Variants in DSCAML1 observed in about 807,000 individuals in gnomAD.
DSCAML1 encodes the protein cell adhesion molecule DSCAML1.
In DSCAML1, 38 loss-of-function variants were observed where a neutral mutation model predicts 200.5. That is an observed-to-expected ratio of 0.19 (90% CI 0.15 to 0.25). DSCAML1 has a LOEUF of 0.25. Among genes scored for constraint, DSCAML1 ranks in the 10% least tolerant of loss-of-function variants. The probability of loss-of-function intolerance (pLI) is 1.00; values close to 1 mark genes in which losing one functional copy is unlikely to be tolerated. For synonymous variants in DSCAML1, 1,215 were observed against 1,165.0 expected, an observed-to-expected ratio of 1.04 and a Z score of -0.87; for missense variants, 2,223 against 2,858.8, an observed-to-expected ratio of 0.78 and a Z score of 5.07.
intron 12 of DSCAML1, among the ~76,000 whole-genome samples, 192 bp from the exon 13 acceptor site, chr11:117,481,462 G>C (rs1186225568): frequency 1.3e-5 from 2 of 151,024 alleles, no homozygotes; most frequent in Non-Finnish European, 3.0e-5. Flanking sequence ...CTTCATACAG[G>C]GAGGGGCTGG....
chr11:117,679,544 T>C (rs1468447176), intron 3 of DSCAML1, among the ~76,000 whole-genome samples: 7 of 152,234 alleles, frequency 4.6e-5, no homozygotes, highest in African/African-American at 1.7e-4. Context: ...TACCCCAGCA[T>C]AGCCTGCTCA....
intron 3 of DSCAML1, among the ~76,000 whole-genome samples, chr11:117,709,410 C>A (rs544352604): frequency 2.6e-5 from 4 of 152,074 alleles, no homozygotes; most frequent in Non-Finnish European, 4.4e-5. Context: ...TATCTCTTCC[C>A]GTAAGAACAC....
chr11:117,550,516 AC>A (rs1268594382), intron 3 of DSCAML1, among the ~76,000 whole-genome samples: 50 of 152,338 alleles, frequency 3.3e-4, no homozygotes, highest in African/African-American at 1.2e-3. Flanking sequence ...TCAGGGTGTT[AC>A]AAACATTATC....
chr11:117,706,407 G>A (rs868602105), intron 3 of DSCAML1, among the ~76,000 whole-genome samples: 4 of 152,118 alleles, frequency 2.6e-5, no homozygotes, highest in Admixed American at 6.5e-5. Context: ...CCCATGACTC[G>A]GTGCCGGTCT....
chr11:117,814,215 AT>A (rs777249383), intron 1 of DSCAML1, among the ~76,000 whole-genome samples: 2 of 151,536 alleles, frequency 1.3e-5, no homozygotes, highest in Non-Finnish European at 2.9e-5. Context: ...CCCCACCCCT[AT>A]CTCCCTTCGC....
At chr11:117,816,262 C>A (rs1213758073) in intron 1 of DSCAML1, among the ~76,000 whole-genome samples, 1 of 152,218 alleles carries the variant, frequency 6.6e-6, no homozygotes, top group Non-Finnish European at 1.5e-5. Flanking sequence ...CCAGTGCAGC[C>A]CTGGGCTCAG....
intron 3 of DSCAML1, among the ~76,000 whole-genome samples, chr11:117,561,916 T>C (rs2050670374): frequency 2.0e-5 from 3 of 152,180 alleles, no homozygotes; most frequent in South Asian, 4.1e-4. Flanking sequence ...CTGGCACCAA[T>C]AGTCAACTGG....
At chr11:117,637,114 C>T (rs974408180) in intron 3 of DSCAML1, among the ~76,000 whole-genome samples, 5 of 152,092 alleles carry the variant, frequency 3.3e-5, no homozygotes, top group Non-Finnish European at 5.9e-5. Context: ...TTTGCCTGCT[C>T]ATCCATCAGT....
intron 2 of DSCAML1, among the ~76,000 whole-genome samples, chr11:117,779,077 AGAG>A (rs2055184761): frequency 6.6e-6 from 1 of 152,190 alleles, no homozygotes; most frequent in Non-Finnish European, 1.5e-5. Context: ...AAGAAGTCAG[AGAG>A]GGTCTGTCAC....
At chr11:117,579,057 G>A (rs1289268683) in intron 3 of DSCAML1, among the ~76,000 whole-genome samples, 1 of 151,976 alleles carries the variant, frequency 6.6e-6, no homozygotes, top group Non-Finnish European at 1.5e-5. Context: ...AAGTCTTGTT[G>A]GCTCTATCTC....
intron 3 of DSCAML1, among the ~76,000 whole-genome samples, chr11:117,725,607 G>A (rs138937371): frequency 2.6e-5 from 4 of 152,240 alleles, no homozygotes; most frequent in East Asian, 3.9e-4. Flanking sequence ...CATCCGTTCC[G>A]ATCAGCTGCT....
At chr11:117,628,868 TA>T (rs978162162) in intron 3 of DSCAML1, among the ~76,000 whole-genome samples, 4 of 152,160 alleles carry the variant, frequency 2.6e-5, no homozygotes, top group African/African-American at 9.7e-5. Flanking sequence ...CCCAGAGAGA[TA>T]AAGCATCTTG....
At chr11:117,560,630 G>A (rs1591266132) in intron 3 of DSCAML1, among the ~76,000 whole-genome samples, 1 of 152,298 alleles carries the variant, frequency 6.6e-6, no homozygotes, top group East Asian at 1.9e-4. Context: ...CTTTGCTTCT[G>A]TACCTGCCTC....
At chr11:117,699,698 C>G (rs181324527) in intron 3 of DSCAML1, among the ~76,000 whole-genome samples, 2 of 152,362 alleles carry the variant, frequency 1.3e-5, no homozygotes, top group Admixed American at 1.3e-4. Flanking sequence ...CCCACAGTGG[C>G]TCTGAAGGCT....
intron 1 of DSCAML1, among the ~76,000 whole-genome samples, chr11:117,795,195 A>T (rs1200986786): frequency 6.6e-6 from 1 of 152,152 alleles, no homozygotes; most frequent in East Asian, 1.9e-4. Flanking sequence ...GCTGTCCTGG[A>T]AGATGTCTCC....
intron 3 of DSCAML1, among the ~76,000 whole-genome samples, chr11:117,631,900 C>G (rs2052182356): frequency 6.6e-6 from 1 of 152,154 alleles, no homozygotes; most frequent in African/African-American, 2.4e-5. Flanking sequence ...ACAGGAGGTC[C>G]CTGGCTGAGT....
intron 32 of DSCAML1, 115 bp from the exon 33 acceptor site, chr11:117,428,918 C>T (rs1260290174): frequency 3.0e-6 from 3 of 992,954 alleles, no homozygotes; most frequent in East Asian, 5.2e-5. Context: ...GCATAGGGGC[C>T]CCTCCACTGG....
intron 1 of DSCAML1, among the ~76,000 whole-genome samples, chr11:117,812,513 A>T (rs2055769593): frequency 6.6e-6 from 1 of 151,846 alleles, no homozygotes; most frequent in Non-Finnish European, 1.5e-5. Flanking sequence ...TCTGTTCTGG[A>T]TCTCAAACGT....
chr11:117,784,713 C>A (rs1455066072), intron 1 of DSCAML1, among the ~76,000 whole-genome samples: 1 of 152,228 alleles, frequency 6.6e-6, no homozygotes, highest in Non-Finnish European at 1.5e-5. Flanking sequence ...TACCTCCCCT[C>A]TGGGTGCTCA....
Sources: gnomAD v4.1 joint callset for allele counts (sites outside exome capture counted in the v4.1 genomes callset) on GRCh38, gnomAD v4.1.1 for gene constraint, MANE v1.5 for transcripts, NCBI Gene and HGNC (gene_info 2026-07-23, HGNC 2026-07-21) for gene names.